TRIO: variants seen among roughly 807,000 people sequenced by gnomAD.
TRIO encodes the protein trio Rho guanine nucleotide exchange factor, also known as triple functional domain protein.
A neutral mutation model predicts 351.9 loss-of-function variants in TRIO; 58 were observed. The observed-to-expected ratio is 0.16, with a 90% CI of 0.13 to 0.21. The LOEUF is 0.21. TRIO is among the 10% of genes least tolerant of loss of function. The pLI, the probability that TRIO is intolerant of heterozygous loss-of-function variation, is 1.00. For synonymous variants in TRIO, 1,758 were observed against 1,595.7 expected (o/e 1.10, Z -2.42); for missense variants, 3,201 against 4,027.8 (o/e 0.79, Z 5.56).
chr5:14,209,143 G>A lies in TRIO; in HGVS notation c.158-61682G>A, dbSNP rs146812859. Among the ~76,000 whole-genome samples the A allele has an allele frequency of 1.7e-4, 26 of 152,330 alleles. 1 individual carries two copies. Among genetic ancestry groups the A allele is most frequent in the African/African-American group, 5.8e-4 (24 of 41,574 alleles). Reference sequence around the variant, plus strand: ...GAAGAGGAAACTGAGGGCTAGTGCCGATAACTTACAGGTCTCAGAGCCAGT... The same window carrying A: ...GAAGAGGAAACTGAGGGCTAGTGCCAATAACTTACAGGTCTCAGAGCCAGT... On this transcript the variant is annotated intron_variant, in intron 1 of 56. Coordinates refer to ENST00000344204, the MANE Select transcript of TRIO (RefSeq NM_007118.4).
intron 30 of TRIO, among the ~76,000 whole-genome samples, chr5:14,399,821 T>A (rs757446914): frequency 6.6e-5 from 10 of 152,134 alleles, no homozygotes; most frequent in Non-Finnish European, 1.0e-4. Context: ...TCATGCAGGG[T>A]CGCTGGGCAG....
chr5:14,443,504 A>C (rs1752220777), intron 34 of TRIO, among the ~76,000 whole-genome samples: 1 of 152,226 alleles, frequency 6.6e-6, no homozygotes, highest in Non-Finnish European at 1.5e-5. Flanking sequence ...ATTCTGGGTA[A>C]TATCCAAGAA....
intron 9 of TRIO, among the ~76,000 whole-genome samples, chr5:14,319,586 C>T (rs1346946297): frequency 3.3e-5 from 5 of 152,004 alleles, no homozygotes; most frequent in African/African-American, 4.8e-5. Context: ...CATAGTAAGC[C>T]GGTTAGAGAC....
intron 1 of TRIO, among the ~76,000 whole-genome samples, chr5:14,169,217 T>C (rs959830576): frequency 9.9e-5 from 15 of 152,006 alleles, no homozygotes; most frequent in Non-Finnish European, 2.1e-4. Context: ...TTTTTTTACT[T>C]TTCTCTTTTT....
At chr5:14,149,235 A>G (rs926826572) in intron 1 of TRIO, among the ~76,000 whole-genome samples, 3 of 152,182 alleles carry the variant, frequency 2.0e-5, no homozygotes, top group African/African-American at 7.2e-5. Context: ...GCTCCCTGCT[A>G]GTTCGTAAAT....
intron 1 of TRIO, among the ~76,000 whole-genome samples, chr5:14,265,999 T>C (rs1795647542): frequency 1.3e-5 from 2 of 152,138 alleles, no homozygotes; most frequent in South Asian, 2.1e-4. Flanking sequence ...TGTGGAAATA[T>C]ATTTATTTGT....
intron 18 of TRIO, among the ~76,000 whole-genome samples, chr5:14,371,379 A>G (rs755242113): frequency 6.6e-6 from 1 of 152,172 alleles, no homozygotes; most frequent in Non-Finnish European, 1.5e-5. Flanking sequence ...ATTTGAAGAT[A>G]TGTACAAAAG....
chr5:14,388,187 T>C (rs1248974819), intron 23 of TRIO, among the ~76,000 whole-genome samples: 2 of 152,220 alleles, frequency 1.3e-5, no homozygotes, highest in Admixed American at 1.3e-4. Flanking sequence ...GTAAACTCTA[T>C]ATAAATAAAA....
intron 7 of TRIO, among the ~76,000 whole-genome samples, chr5:14,300,838 GT>G (rs771879177): frequency 1.4e-4 from 22 of 152,114 alleles, no homozygotes; most frequent in South Asian, 4.1e-4. Context: ...TCTTATAAAA[GT>G]TCACTTCCCA....
At chr5:14,434,648 T>C (rs1330440025) in intron 34 of TRIO, among the ~76,000 whole-genome samples, 2 of 152,230 alleles carry the variant, frequency 1.3e-5, no homozygotes, top group Non-Finnish European at 2.9e-5. Context: ...GCAGTGCTCT[T>C]AACTAAGCCC....
chr5:14,322,835 G>C (rs1335546097), intron 9 of TRIO, among the ~76,000 whole-genome samples: 2 of 152,196 alleles, frequency 1.3e-5, no homozygotes, highest in Non-Finnish European at 2.9e-5. Context: ...CATCTTCTCT[G>C]AGTTCTCTAT....
chr5:14,337,600 G>A (rs1404619263), intron 11 of TRIO, among the ~76,000 whole-genome samples: 1 of 152,184 alleles, frequency 6.6e-6, no homozygotes, highest in Non-Finnish European at 1.5e-5. Flanking sequence ...GGATCTGGAA[G>A]AGTAGGACTA....
chr5:14,350,076 A>G (rs1486375995), intron 11 of TRIO, among the ~76,000 whole-genome samples: 1 of 152,194 alleles, frequency 6.6e-6, no homozygotes, highest in Non-Finnish European at 1.5e-5. Context: ...ATGACTGCAT[A>G]GTATACTCTG....
At chr5:14,270,978 C>G in intron 2 of TRIO, 79 bp downstream of exon 2, 1 of 977,412 alleles carries the variant, frequency 1.0e-6, no homozygotes, top group Admixed American at 2.2e-5. Flanking sequence ...ATGAACTCAC[C>G]TGCCACAACA....
chr5:14,180,903 A>G (rs1199227741), intron 1 of TRIO, among the ~76,000 whole-genome samples: 1 of 152,104 alleles, frequency 6.6e-6, no homozygotes, highest in Non-Finnish European at 1.5e-5. Flanking sequence ...TTTGAAATTT[A>G]TGATTTGAGT....
rs572222479 is a variant in TRIO at position 14,312,771 on chromosome 5, C to A, written c.1501-3742C>A. Among the ~76,000 whole-genome samples, 24 of 152,306 alleles carry A rather than the reference C, an allele frequency of 1.6e-4. No individual in the cohort carries two copies. The South Asian group carries it at 2.7e-3, about 17-fold the overall frequency. ...CTTACATTACTTGTTTTAGCACTTACATTTTATATGAATTTTTTTGTCTGC... is the reference window on the plus strand; with the variant it reads ...CTTACATTACTTGTTTTAGCACTTAAATTTTATATGAATTTTTTTGTCTGC... On this transcript the variant is annotated intron_variant, in intron 8 of 56. Coordinates refer to ENST00000344204, the MANE Select transcript of TRIO (RefSeq NM_007118.4).
chr5:14,477,936 C>G (rs768977760), intron 41 of TRIO, among the ~76,000 whole-genome samples: 4 of 152,134 alleles, frequency 2.6e-5, no homozygotes, highest in African/African-American at 4.8e-5. Context: ...TAATTTTTTG[C>G]TTGAAAGCTG....
chr5:14,375,233 T>C (rs1234274224), intron 19 of TRIO, among the ~76,000 whole-genome samples: 2 of 152,254 alleles, frequency 1.3e-5, no homozygotes. Flanking sequence ...AGCAACCGTT[T>C]TTCTGCATGA....
intron 1 of TRIO, among the ~76,000 whole-genome samples, chr5:14,218,518 A>T (rs1208827957): frequency 2.0e-5 from 3 of 152,228 alleles, no homozygotes; most frequent in African/African-American, 7.2e-5. Context: ...AAACAAAACA[A>T]AAAAACCTCA....
Sources: allele counts gnomAD v4.1 joint callset (sites outside exome capture counted in the v4.1 genomes callset), GRCh38; gene constraint gnomAD v4.1.1; transcripts MANE v1.5; gene names NCBI Gene and HGNC (gene_info 2026-07-23, HGNC 2026-07-21).